RAB3B: variants seen among roughly 807,000 people sequenced by gnomAD.
RAB3B encodes ras-related protein Rab-3B.
Under a neutral mutation model 20.5 loss-of-function variants are expected in RAB3B, and 11 were observed. The ratio of observed to expected loss-of-function variants is 0.54; its 90% CI spans 0.34 to 0.89. The LOEUF (loss-of-function observed/expected upper bound fraction) is 0.89, where lower values mean the gene tolerates loss of function less well. Among genes scored for constraint, RAB3B ranks in the 40% least tolerant of loss-of-function variants. The pLI is 0.02. For synonymous variants in RAB3B, 99 were observed against 106.3 expected (o/e 0.93, Z 0.42); for missense variants, 225 against 280.9 (o/e 0.80, Z 1.42).
At chr1:51,933,293 G>A (rs1363974212) in intron 4 of RAB3B, 25 bp downstream of exon 4, 2 of 1,611,258 alleles carry the variant, frequency 1.2e-6, no homozygotes, top group East Asian at 2.2e-5. Context: ...ATGCACACAT[G>A]CACATACATG....
intron 4 of RAB3B, among the ~76,000 whole-genome samples, chr1:51,920,804 C>T (rs564615729): frequency 1.3e-5 from 2 of 152,226 alleles, no homozygotes; most frequent in South Asian, 4.2e-4. Flanking sequence ...CTCTAGGAGG[C>T]ACCTCAAGAT....
At position 51,912,381 on chromosome 1, in the gene RAB3B, T is replaced by C. The variant is rs1181022075; in HGVS notation, c.*7546A>G. ...TTTTGTGTGAAGTAAACCTCAGTGT[T>C]ACTGAGCCGTTCATTTATTTAGATT... is the stretch of plus-strand genomic sequence containing the variant. On this transcript the variant is annotated 3_prime_UTR_variant, in exon 5 of 5. Coordinates refer to ENST00000371655, the MANE Select transcript of RAB3B (RefSeq NM_002867.4). 1 of 149,612 alleles carries C rather than the reference T, an allele frequency of 6.7e-6. No individual in the cohort carries two copies. The highest frequency in any genetic ancestry group is 2.5e-5 in the African/African-American group (1 of 40,744). 9.3% of individuals were successfully genotyped at this position (149,612 alleles called of 1,614,324 possible).
At chr1:51,960,921 C>A (rs963889459) in intron 2 of RAB3B, among the ~76,000 whole-genome samples, 20 of 152,168 alleles carry the variant, frequency 1.3e-4, no homozygotes, top group Admixed American at 2.6e-4. Flanking sequence ...TATTTAGCAC[C>A]TAATATGTTA....
intron 2 of RAB3B, among the ~76,000 whole-genome samples, chr1:51,961,514 C>T (rs1684783686): frequency 6.6e-6 from 1 of 152,062 alleles, no homozygotes; most frequent in African/African-American, 2.4e-5. Context: ...CCCAGATGTG[C>T]TATTTTCCAG....
chr1:51,971,267 C>T (rs943757493), intron 2 of RAB3B, among the ~76,000 whole-genome samples: 3 of 151,492 alleles, frequency 2.0e-5, no homozygotes, highest in East Asian at 1.9e-4. Context: ...CTTTTGTGTA[C>T]AGAAGTGATA....
chr1:51,989,030 A>G (rs1257145093), intron 1 of RAB3B, among the ~76,000 whole-genome samples: 1 of 150,552 alleles, frequency 6.6e-6, no homozygotes, highest in African/African-American at 2.4e-5. Context: ...TTCTATAGAT[A>G]GGGCCTTTCA....
rs1436139360 is a variant in RAB3B, at chr1:51,912,451, C to T, written c.*7476G>A. 2.7e-5 allele frequency: 4 copies of T among 146,974 alleles called. No individual in the cohort carries two copies. The highest frequency in any genetic ancestry group is 1.0e-4 in the African/African-American group (4 of 39,568). 9.1% of individuals were successfully genotyped at this position (146,974 alleles called of 1,614,324 possible). A position where few individuals can be genotyped will look rare whatever the true frequency, so the allele number is the denominator to read the frequency against. On this transcript the variant is annotated 3_prime_UTR_variant, in exon 5 of 5. Transcript: ENST00000371655. ...GGCTGGATGCGGTGGCTCATACGTA[C>T]AATCCTAGTGACTCAGGAGGCCAAG...
At chr1:51,987,680 T>C (rs1685169438) in intron 1 of RAB3B, among the ~76,000 whole-genome samples, 1 of 152,154 alleles carries the variant, frequency 6.6e-6, no homozygotes, top group Admixed American at 6.5e-5. Flanking sequence ...TTGGGAAAAT[T>C]ATAGGTAATG....
At chr1:51,941,337 G>A (rs1356701806) in intron 2 of RAB3B, among the ~76,000 whole-genome samples, 1 of 152,104 alleles carries the variant, frequency 6.6e-6, no homozygotes, top group Non-Finnish European at 1.5e-5. Context: ...TTTGAGCCAA[G>A]GGATTAACGT....
intron 4 of RAB3B, among the ~76,000 whole-genome samples, chr1:51,926,319 C>CCT (rs1379747757): frequency 6.6e-6 from 1 of 152,172 alleles, no homozygotes; most frequent in Non-Finnish European, 1.5e-5. Context: ...CTGTGAACTG[C>CCT]CCTGCCTGCA....
At chr1:51,975,408 G>C (rs1266716037) in intron 2 of RAB3B, among the ~76,000 whole-genome samples, 1 of 152,138 alleles carries the variant, frequency 6.6e-6, no homozygotes, top group Non-Finnish European at 1.5e-5. Flanking sequence ...GTGGCAGCCA[G>C]CTTCCAAGAT....
intron 1 of RAB3B, among the ~76,000 whole-genome samples, chr1:51,986,999 T>A (rs1053089260): frequency 6.6e-6 from 1 of 152,198 alleles, no homozygotes; most frequent in Non-Finnish European, 1.5e-5. Flanking sequence ...CATAAAATGA[T>A]AGAGCTATCT....
chr1:51,960,363 T>C (rs1684769089), intron 2 of RAB3B, among the ~76,000 whole-genome samples: 1 of 152,180 alleles, frequency 6.6e-6, no homozygotes, highest in Non-Finnish European at 1.5e-5. Context: ...GGGGGCACTG[T>C]ATCCCCTGGG....
In RAB3B at chr1:51,914,325, G is replaced by C. The variant is rs1444119397; in HGVS notation, c.*5602C>G. ...GCCAGTGGGTAGCAGAGATATTTGG[G>C]AGCAGTAGACTCTTCCAAGAGCCCC... On this transcript the variant is annotated 3_prime_UTR_variant, in exon 5 of 5. Coordinates refer to ENST00000371655, the MANE Select transcript of RAB3B (RefSeq NM_002867.4). 6.6e-6 allele frequency: 1 copy of C among 152,170 alleles called. No homozygotes were observed. Among genetic ancestry groups the C allele is most frequent in the African/African-American group, 2.4e-5 (1 of 41,438 alleles). The allele number at this position is 152,170 out of a possible 1,614,324, so 9.4% of individuals were successfully genotyped here. A position where few individuals can be genotyped will look rare whatever the true frequency, so the allele number is the denominator to read the frequency against.
At chr1:51,934,997 TCACCATGA>T (rs1255387255) in intron 3 of RAB3B, among the ~76,000 whole-genome samples, 1 of 152,138 alleles carries the variant, frequency 6.6e-6, no homozygotes, top group Non-Finnish European at 1.5e-5. Context: ...TCCTGCACGT[TCACCATGA>T]CACCTATTAC....
At chr1:51,955,028 T>A (rs572943600) in intron 2 of RAB3B, among the ~76,000 whole-genome samples, 1 of 152,350 alleles carries the variant, frequency 6.6e-6, no homozygotes, top group African/African-American at 2.4e-5. Flanking sequence ...ATTCAGTTAG[T>A]GTGTGCTAAA....
chr1:51,981,672 TGCA>T (rs1685089856), intron 1 of RAB3B, among the ~76,000 whole-genome samples: 2 of 152,040 alleles, frequency 1.3e-5, no homozygotes, highest in Non-Finnish European at 2.9e-5. Flanking sequence ...AATCATGAAC[TGCA>T]TAACAACATT....
Position 51,914,576 on chromosome 1 carries a change from T to A in RAB3B, c.*5351A>T, listed in dbSNP as rs1684055023. Reference sequence around the variant, plus strand: ...TTCATTTGTTGAGAAAATAAATGAATAAATAAATTTGAATTTTGTCTACTT... The same window carrying A: ...TTCATTTGTTGAGAAAATAAATGAAAAAATAAATTTGAATTTTGTCTACTT... On this transcript the variant is annotated 3_prime_UTR_variant, in exon 5 of 5. Transcript: ENST00000371655. 1 of 152,228 alleles carries A rather than the reference T, an allele frequency of 6.6e-6. No homozygotes were observed. The highest frequency in any genetic ancestry group is 2.1e-4 in the South Asian group (1 of 4,836). The allele number at this position is 152,228 out of a possible 1,614,324, so 9.4% of individuals were successfully genotyped here.
chr1:51,984,265 A>T (rs1383305950), intron 1 of RAB3B, among the ~76,000 whole-genome samples: 4 of 14,858 alleles, frequency 2.7e-4, no homozygotes, highest in African/African-American at 3.6e-4. Context: ...TCTCTAATTA[A>T]AAAAAAAAAA....
Sources: allele counts gnomAD v4.1 joint callset (sites outside exome capture counted in the v4.1 genomes callset), GRCh38; gene constraint gnomAD v4.1.1; transcripts MANE v1.5; gene names NCBI Gene and HGNC (gene_info 2026-07-23, HGNC 2026-07-21).